Variants in CPNE5 observed in about 807,000 individuals in gnomAD.
The protein encoded by CPNE5 is copine-5.
In CPNE5, 42 loss-of-function variants were observed where a neutral mutation model predicts 81.1. The observed-to-expected ratio is 0.52, with a 90% CI of 0.40 to 0.67. CPNE5 has a LOEUF of 0.67. Ranked by LOEUF, CPNE5 falls within the 30% of genes least tolerant of loss-of-function variation. CPNE5 has a pLI of 0.00. For synonymous variants in CPNE5, 313 were observed against 321.5 expected (o/e 0.97, Z 0.28); for missense variants, 612 against 815.5 (o/e 0.75, Z 3.04).
chr6:36,812,970 T>C (rs989893377), intron 3 of CPNE5, among the ~76,000 whole-genome samples: 2 of 152,214 alleles, frequency 1.3e-5, no homozygotes, highest in African/African-American at 4.8e-5. Context: ...ATGGTCTATG[T>C]GGAATGACCA....
chr6:36,825,242 C>A (rs564814295), intron 1 of CPNE5, among the ~76,000 whole-genome samples: 5 of 152,158 alleles, frequency 3.3e-5, no homozygotes, highest in African/African-American at 1.2e-4. Flanking sequence ...GATGGACAAA[C>A]GCAACAGCAG....
In CPNE5 at chr6:36,800,029, G is replaced by A. The variant is rs1223283124; in HGVS notation, c.225C>T (p.Asp75=). ...AATCCACAATGAACTTGCGCACGAA[G>A]TCAGGATTGAGCGTGTTGTCGATGA... The part of the protein sequence containing the change: ...TEVIDNTLNP[D]FVRKFIVDYF... The change falls in exon 4 of 21, where the codon GAC becomes GAT. Residue 75 remains aspartate, a synonymous_variant. Coordinates refer to ENST00000244751, the MANE Select transcript of CPNE5 (RefSeq NM_020939.2). 2.5e-6 allele frequency: 4 copies of A among 1,614,060 alleles called. No individual in the cohort carries two copies. The highest frequency in any genetic ancestry group is 3.4e-6 in the Non-Finnish European group (4 of 1,180,010).
intron 8 of CPNE5, among the ~76,000 whole-genome samples, chr6:36,783,871 T>G (rs775986745): frequency 3.3e-5 from 5 of 152,088 alleles, no homozygotes; most frequent in Non-Finnish European, 7.3e-5. Flanking sequence ...CACCCTTGCT[T>G]AAAGTCACAC....
In CPNE5 at chr6:36,746,709, C is replaced by A. The variant is rs186567657; in HGVS notation, c.1019-132G>T. 2.4e-5 allele frequency: 18 copies of A among 755,276 alleles called. No homozygotes were observed. The highest frequency in any genetic ancestry group is 1.5e-5 in the Non-Finnish European group (7 of 470,968). The allele number at this position is 755,276 out of a possible 1,614,324, so 46.8% of individuals were successfully genotyped here. A position where few individuals can be genotyped will look rare whatever the true frequency, so the allele number is the denominator to read the frequency against. On this transcript the variant is annotated intron_variant, in intron 15 of 20. Transcript: ENST00000244751. This position sits in a 1 kb window ranked among gnomAD's most constrained non-coding sequence, Gnocchi z 4.5. ...CTTGACTCCTCTCTTTCTCTCATAC[C>A]CCATGTTAAATCCTTCAGCAAAACA...
chr6:36,760,498 T>C (rs1193159214), intron 12 of CPNE5, among the ~76,000 whole-genome samples: 1 of 152,100 alleles, frequency 6.6e-6, no homozygotes, highest in Non-Finnish European at 1.5e-5. Context: ...GAAAGGAGGC[T>C]GTGGCAAAGC....
intron 10 of CPNE5, among the ~76,000 whole-genome samples, chr6:36,771,067 T>C (rs1422897431): frequency 6.6e-6 from 1 of 152,070 alleles, no homozygotes; most frequent in East Asian, 1.9e-4. Context: ...CTCTTCCTTC[T>C]TGCTGTTCCC....
At chr6:36,790,777 T>C (rs59805048) in intron 8 of CPNE5, among the ~76,000 whole-genome samples, 13,116 of 152,046 alleles carry the variant, frequency 0.086, 1,250 homozygotes, top group African/African-American at 0.23. Flanking sequence ...ACTCCTGACC[T>C]CGTGATCCGC....
intron 3 of CPNE5, among the ~76,000 whole-genome samples, chr6:36,818,005 C>T (rs1219642915): frequency 1.3e-5 from 2 of 152,140 alleles, no homozygotes; most frequent in African/African-American, 4.8e-5. Flanking sequence ...GCTACTGGGC[C>T]CCTGGGTTAT....
intron 1 of CPNE5, chr6:36,827,475 G>A (rs1265147964): frequency 1.0e-6 from 1 of 985,166 alleles, no homozygotes; most frequent in Non-Finnish European, 1.2e-6. Flanking sequence ...CAGAGGCCAT[G>A]TTTATCCAAG....
intron 17 of CPNE5, 53 bp from the exon 18 acceptor site, chr6:36,745,203 T>C: frequency 1.3e-6 from 2 of 1,512,486 alleles, no homozygotes; most frequent in Non-Finnish European, 1.8e-6. Flanking sequence ...CTGGGCATGT[T>C]CCCCCCTAAA....
intron 13 of CPNE5, chr6:36,755,091 A>G (rs1765279496): frequency 6.6e-6 from 1 of 152,208 alleles, no homozygotes; most frequent in Non-Finnish European, 1.5e-5. Flanking sequence ...TGCATCTCCC[A>G]TGTGTCTGTC....
intron 1 of CPNE5, among the ~76,000 whole-genome samples, chr6:36,827,944 G>A (rs1772650639): frequency 1.3e-5 from 2 of 151,456 alleles, no homozygotes; most frequent in South Asian, 4.2e-4. Context: ...GGCTTCTTTT[G>A]TTCCTTAAAT....
chr6:36,836,593 GCAGAGCCTCCC>G (rs896509515), intron 1 of CPNE5, among the ~76,000 whole-genome samples: 3 of 152,180 alleles, frequency 2.0e-5, no homozygotes, highest in Non-Finnish European at 4.4e-5. Context: ...GATGCCCAGG[GCAGAGCCTCCC>G]CAGAGCCTCC....
At chr6:36,763,282 A>C (rs1766229473) in intron 11 of CPNE5, among the ~76,000 whole-genome samples, 1 of 152,200 alleles carries the variant, frequency 6.6e-6, no homozygotes, top group South Asian at 2.1e-4. Context: ...GGGAAATTTG[A>C]ATATGAAATG....
chr6:36,811,591 A>G (rs1281219058), intron 3 of CPNE5, among the ~76,000 whole-genome samples: 4 of 152,212 alleles, frequency 2.6e-5, no homozygotes, highest in African/African-American at 9.6e-5. Context: ...ACTAACACTG[A>G]AAAGCAAATA....
chr6:36,768,225 C>CTTTTTTTTTTTTT lies in CPNE5; in HGVS notation c.738-2862_738-2850dup, dbSNP rs10586762. On this transcript the variant is annotated intron_variant, in intron 10 of 20. Coordinates refer to ENST00000244751, the MANE Select transcript of CPNE5 (RefSeq NM_020939.2). Reference sequence around the variant, plus strand: ...GGCTTTGACTACTCTATTCACAGTTCTTTTTTTTTTTTTTTTTTTTTTTTT... The same window carrying CTTTTTTTTTTTTT: ...GGCTTTGACTACTCTATTCACAGTTCTTTTTTTTTTTTTTTTTTTTTTTTTTTTTTTTTTTTTT... Among the ~76,000 whole-genome samples the CTTTTTTTTTTTTT allele has an allele frequency of 8.8e-4, 53 of 60,508 alleles. 3 individuals are homozygous for CTTTTTTTTTTTTT. Among genetic ancestry groups the CTTTTTTTTTTTTT allele is most frequent in the East Asian group, 1.7e-3 (3 of 1,720 alleles). The allele number at this position is 60,508 out of a possible 152,430, so 39.7% of individuals were successfully genotyped here.
intron 1 of CPNE5, among the ~76,000 whole-genome samples, chr6:36,836,867 G>A (rs1773554656): frequency 6.6e-6 from 1 of 151,936 alleles, no homozygotes; most frequent in Non-Finnish European, 1.5e-5. Flanking sequence ...TCTGTTCTAA[G>A]TGACTGCTCC....
intron 6 of CPNE5, 45 bp from the exon 7 acceptor site, chr6:36,794,694 C>A (rs1277230826): frequency 2.5e-6 from 4 of 1,575,280 alleles, no homozygotes; most frequent in Non-Finnish European, 3.5e-6. Context: ...GAGCTGAGTA[C>A]CCCCACCCAG....
intron 10 of CPNE5, among the ~76,000 whole-genome samples, chr6:36,768,421 G>A (rs1196705868): frequency 2.6e-5 from 4 of 151,606 alleles, no homozygotes; most frequent in Admixed American, 1.3e-4. Flanking sequence ...TAGTAGAGAC[G>A]GGGTTTCACC....
Sources: gnomAD v4.1 joint callset for allele counts (sites outside exome capture counted in the v4.1 genomes callset) on GRCh38, gnomAD v4.1.1 for gene constraint, Gnocchi (gnomAD v3.1) non-coding constraint, MANE v1.5 for transcripts, NCBI Gene and HGNC (gene_info 2026-07-23, HGNC 2026-07-21) for gene names.